The following XKR6 variants were observed in gnomAD, a reference collection of about 807,000 sequenced individuals.
XKR6 encodes XK-related protein 6.
XKR6 carries 22 observed loss-of-function variants against 56.7 expected under a neutral mutation model. The observed-to-expected ratio is 0.39, with a 90% CI of 0.28 to 0.55. The LOEUF is 0.55. Among genes scored for constraint, XKR6 ranks in the 20% least tolerant of loss-of-function variants. XKR6 has a pLI of 0.66. For missense variants in XKR6, 852 were observed against 889.0 expected (o/e 0.96, Z 0.53); for synonymous variants, 524 against 387.8 (o/e 1.35, Z -4.13).
In XKR6 at chr8:11,062,169, A is replaced by G. The variant is rs575038433; in HGVS notation, c.765-137339T>C. 5.3e-5 allele frequency among the ~76,000 whole-genome samples: 8 copies of G among 152,140 alleles called. No homozygotes were observed. In the East Asian group the frequency reaches 7.7e-4, roughly 15 times the overall value. On this transcript the variant is annotated intron_variant, in intron 1 of 2. Coordinates refer to ENST00000416569, the MANE Select transcript of XKR6 (RefSeq NM_173683.4). Reference sequence around the variant, plus strand: ...CAGGACAAGAGGAGAAGCTGCACACATCGGCCCATCCTGCCCTGGGCTAGT... The same window carrying G: ...CAGGACAAGAGGAGAAGCTGCACACGTCGGCCCATCCTGCCCTGGGCTAGT...
rs550116504 is a variant in XKR6, at chr8:10,928,126, AC to A, written c.765-3297del. On this transcript the variant is annotated intron_variant, in intron 1 of 2. Coordinates refer to ENST00000416569, the MANE Select transcript of XKR6 (RefSeq NM_173683.4). ...GTCTGGACCCTGGAGGTCTAGTCCA[AC>A]CCCCACTTTATAGTGGAGGGCCCAG... Among the ~76,000 whole-genome samples the A allele has an allele frequency of 3.3e-3, 503 of 152,026 alleles. 3 individuals are homozygous for A. The highest frequency in any genetic ancestry group is 2.5e-3 in the Non-Finnish European group (170 of 67,952).
At chr8:10,949,191 C>A (rs779828751) in intron 1 of XKR6, among the ~76,000 whole-genome samples, 3 of 152,230 alleles carry the variant, frequency 2.0e-5, no homozygotes, top group Non-Finnish European at 4.4e-5. Context: ...AAATCACCCC[C>A]CTACTCCCGC....
chr8:11,007,567 G>T (rs1365869288), intron 1 of XKR6, among the ~76,000 whole-genome samples: 1 of 152,122 alleles, frequency 6.6e-6, no homozygotes, highest in Non-Finnish European at 1.5e-5. Flanking sequence ...GATGAGTCAC[G>T]TGCAGCACAG....
intron 1 of XKR6, among the ~76,000 whole-genome samples, chr8:10,991,434 A>G (rs1206330610): frequency 2.0e-5 from 3 of 152,092 alleles, no homozygotes; most frequent in African/African-American, 4.8e-5. Flanking sequence ...TGGCCTGAGG[A>G]TAGTTATGAT....
chr8:10,914,550 C>T (rs1039661143), intron 2 of XKR6, among the ~76,000 whole-genome samples: 27 of 152,190 alleles, frequency 1.8e-4, no homozygotes, highest in African/African-American at 6.5e-4. Flanking sequence ...CTGTGACTCC[C>T]CCAATGCTCC....
At chr8:10,907,512 T>C (rs1472834730) in intron 2 of XKR6, among the ~76,000 whole-genome samples, 3 of 152,214 alleles carry the variant, frequency 2.0e-5, no homozygotes, top group Admixed American at 6.5e-5. Context: ...TACCATGCTA[T>C]CAGCAGCAGC....
At chr8:11,063,608 C>G (rs1316231163) in intron 1 of XKR6, among the ~76,000 whole-genome samples, 2 of 151,930 alleles carry the variant, frequency 1.3e-5, no homozygotes, top group African/African-American at 4.8e-5. Context: ...CCAGCACAAA[C>G]ATGTATATGC....
chr8:10,954,866 C>CTCCTTTTTTTTTTTT (rs1563309729), intron 1 of XKR6, among the ~76,000 whole-genome samples: 1 of 92,794 alleles, frequency 1.1e-5, no homozygotes, highest in South Asian at 3.6e-4. Context: ...ACTTCATTCT[C>CTCCTTTTTTTTTTTT]TTTTTTTTTT....
At chr8:11,041,886 TACATATATAAACACAACACACAC>T (rs1041272497) in intron 1 of XKR6, among the ~76,000 whole-genome samples, 1 of 152,142 alleles carries the variant, frequency 6.6e-6, no homozygotes, top group African/African-American at 2.4e-5. Context: ...CACACACACA[TACATATATAAACACAACACACAC>T]AAATGCAAAT....
At chr8:10,984,732 C>CTCTATATATATATATATATA in intron 1 of XKR6, among the ~76,000 whole-genome samples, 39 of 47,480 alleles carry the variant, frequency 8.2e-4, no homozygotes, top group Non-Finnish European at 1.0e-3. Context: ...CTCTCTCTCT[C>CTCTATATATATATATATATA]TATATATATA....
At chr8:11,025,059 G>T (rs1315576286) in intron 1 of XKR6, among the ~76,000 whole-genome samples, 2 of 152,172 alleles carry the variant, frequency 1.3e-5, no homozygotes, top group Non-Finnish European at 2.9e-5. Context: ...TGGGAACAAG[G>T]GATCCCCCCA....
intron 1 of XKR6, 134 bp from the exon 2 acceptor site, chr8:10,924,964 G>T (rs1586312214): frequency 1.0e-6 from 1 of 985,046 alleles, no homozygotes; most frequent in Non-Finnish European, 1.5e-6. Flanking sequence ...CCAGAGGCTT[G>T]GACGGGGCTC....
intron 1 of XKR6, among the ~76,000 whole-genome samples, chr8:10,965,663 G>A (rs1216941718): frequency 6.6e-6 from 1 of 152,358 alleles, no homozygotes; most frequent in African/African-American, 2.4e-5. Context: ...CTTGGTGCCC[G>A]GAAGCGCCAT....
At chr8:10,992,906 C>A (rs550723260) in intron 1 of XKR6, among the ~76,000 whole-genome samples, 30 of 152,320 alleles carry the variant, frequency 2.0e-4, no homozygotes, top group Admixed American at 8.5e-4. Flanking sequence ...CCAACCACCA[C>A]GCCGAGCTGA....
intron 1 of XKR6, among the ~76,000 whole-genome samples, chr8:11,093,654 T>C (rs1020800591): frequency 4.0e-5 from 4 of 101,204 alleles, no homozygotes. Flanking sequence ...GAAAAGGATA[T>C]AAAAACTAGT....
At chr8:11,118,841 C>T (rs1799304118) in intron 1 of XKR6, among the ~76,000 whole-genome samples, 1 of 152,062 alleles carries the variant, frequency 6.6e-6, no homozygotes, top group Non-Finnish European at 1.5e-5. Context: ...TATTTCTTGC[C>T]TTCTGTTAGC....
chr8:11,163,561 G>T (rs1423840821), intron 1 of XKR6, among the ~76,000 whole-genome samples: 1 of 152,172 alleles, frequency 6.6e-6, no homozygotes, highest in African/African-American at 2.4e-5. Context: ...CTACAACAAA[G>T]TCTAAGGGCA....
chr8:11,090,743 T>C (rs753839007), intron 1 of XKR6, among the ~76,000 whole-genome samples: 4 of 149,670 alleles, frequency 2.7e-5, no homozygotes, highest in Non-Finnish European at 5.9e-5. Context: ...TTTTTCCTTA[T>C]TGGGTTGAAG....
intron 1 of XKR6, chr8:11,194,834 A>G (rs1803783677): frequency 1.3e-5 from 5 of 383,374 alleles, no homozygotes; most frequent in Non-Finnish European, 2.3e-5. Context: ...GCTAGATTTC[A>G]GGAGCACCAG....
Sources: allele counts gnomAD v4.1 joint callset (sites outside exome capture counted in the v4.1 genomes callset), GRCh38; gene constraint gnomAD v4.1.1; transcripts MANE v1.5; gene names NCBI Gene and HGNC (gene_info 2026-07-23, HGNC 2026-07-21).